The following DMXL1 variants were observed in gnomAD, a reference collection of about 807,000 sequenced individuals.
DMXL1 encodes Dmx like 1, also known as dmX-like protein 1.
Under a neutral mutation model 319.2 loss-of-function variants are expected in DMXL1, and 99 were observed. That is an observed-to-expected ratio of 0.31 (90% CI 0.26 to 0.37). The LOEUF is 0.37. Among genes scored for constraint, DMXL1 ranks in the 10% least tolerant of loss-of-function variants. The pLI, the probability that DMXL1 is intolerant of heterozygous loss-of-function variation, is 1.00. For synonymous variants in DMXL1, 1,385 were observed against 1,235.2 expected (o/e 1.12, Z -2.54); for missense variants, 3,745 against 3,595.6 (o/e 1.04, Z -1.06).
Position 119,133,599 on chromosome 5 carries a change from A to G in DMXL1, c.1675A>G (p.Ile559Val), listed in dbSNP as rs150439548. The G allele has an allele frequency of 3.0e-5, 48 of 1,614,072 alleles. No homozygotes were observed. The highest frequency in any genetic ancestry group is 1.4e-4 in the South Asian group (13 of 91,080). The change falls in exon 12 of 44, where the codon ATT becomes GTT. Residue 559 changes from isoleucine to valine, a missense_variant. This residue lies in a region of DMXL1 where 2,096 missense variants were observed against 1,985.4 expected (regional missense o/e 1.06). Coordinates refer to ENST00000539542, the MANE Select transcript of DMXL1 (RefSeq NM_001290321.3). Reference sequence around the variant, plus strand: ...CTGTACCAAGAATGTTGACTTGGCTATTCAGCAGGGGAAACAAAAACCTTC... The same window carrying G: ...CTGTACCAAGAATGTTGACTTGGCTGTTCAGCAGGGGAAACAAAAACCTTC... The part of the protein sequence containing the change: ...YACTKNVDLA[I>V]QQGKQKPSGL...
chr5:119,073,557 C>T (rs1030186327), intron 1 of DMXL1, among the ~76,000 whole-genome samples: 2 of 152,238 alleles, frequency 1.3e-5, no homozygotes, highest in East Asian at 3.9e-4. Flanking sequence ...CATCCTGTAC[C>T]ATCATGTAGC....
intron 9 of DMXL1, among the ~76,000 whole-genome samples, chr5:119,121,521 A>C (rs965702884): frequency 6.6e-6 from 1 of 152,086 alleles, no homozygotes; most frequent in Non-Finnish European, 1.5e-5. Context: ...TGTTTAACAA[A>C]GCACATCTTG....
chr5:119,205,106 T>C (rs1781519917), intron 33 of DMXL1, among the ~76,000 whole-genome samples: 1 of 152,188 alleles, frequency 6.6e-6, no homozygotes, highest in Non-Finnish European at 1.5e-5. Flanking sequence ...TGGTGTAATA[T>C]TGAAATTTAG....
At chr5:119,083,084 C>G (rs538988589) in intron 1 of DMXL1, among the ~76,000 whole-genome samples, 46 of 152,304 alleles carry the variant, frequency 3.0e-4, no homozygotes, top group African/African-American at 1.1e-3. Flanking sequence ...GATCTTGGCT[C>G]ACTGCAACCT....
intron 2 of DMXL1, among the ~76,000 whole-genome samples, chr5:119,098,315 G>T (rs1427736600): frequency 6.6e-6 from 1 of 152,120 alleles, no homozygotes; most frequent in Non-Finnish European, 1.5e-5. Context: ...CATCTTCTCT[G>T]AGAAAGAAAT....
At chr5:119,185,036 A>G (rs190425262) in intron 28 of DMXL1, among the ~76,000 whole-genome samples, 3 of 152,224 alleles carry the variant, frequency 2.0e-5, no homozygotes, top group Admixed American at 2.0e-4. Context: ...ATTGATGTCT[A>G]CTACTATCGA....
intron 1 of DMXL1, among the ~76,000 whole-genome samples, chr5:119,084,725 C>T (rs1026617784): frequency 4.0e-5 from 6 of 151,826 alleles, no homozygotes; most frequent in Non-Finnish European, 8.8e-5. Flanking sequence ...ATTAGCCCGG[C>T]GTGGTGGCAC....
In DMXL1 at chr5:119,166,672, G is replaced by A. The variant is rs1472645655; in HGVS notation, c.5027G>A (p.Arg1676Lys). 8 of 1,612,164 alleles carry A rather than the reference G, an allele frequency of 5.0e-6. No homozygotes were observed. Among genetic ancestry groups the A allele is most frequent in the African/African-American group, 1.3e-5 (1 of 74,798 alleles). Residue 1676 changes from arginine (R) to lysine (K), a missense_variant, in exon 22 of 44, where the codon AGG becomes AAG. Arg to Lys is a conservative substitution (Grantham distance 26). Transcript: ENST00000539542. ...TTTGGACACAATTTTGAGGATGAGA[G>A]GTGGCGTAAAGCAGCTTTAAAGAAT... ...QFFGHNFEDE[R>K]WRKAALKNAF... is the part of the protein sequence containing the mutation.
chr5:119,240,871 CTT>C (rs1350263280), intron 42 of DMXL1, among the ~76,000 whole-genome samples: 1 of 152,124 alleles, frequency 6.6e-6, no homozygotes, highest in Non-Finnish European at 1.5e-5. Flanking sequence ...ATAAAACTGT[CTT>C]TATTCACAGA....
chr5:119,137,859 A>G (rs2150074745), intron 13 of DMXL1, among the ~76,000 whole-genome samples: 1 of 152,334 alleles, frequency 6.6e-6, no homozygotes, highest in South Asian at 2.1e-4. Flanking sequence ...ATGTAAAGGA[A>G]CAGCAAAAAG....
chr5:119,210,757 G>GTTTTTTTTTTTTTTTT, intron 34 of DMXL1, among the ~76,000 whole-genome samples: 2 of 89,778 alleles, frequency 2.2e-5, no homozygotes, highest in African/African-American at 4.1e-5. Context: ...TTTTTCTTTC[G>GTTTTTTTTTTTTTTTT]TTTTTTTTTT....
chr5:119,134,000 C>T lies in DMXL1; in HGVS notation c.2076C>T (p.Asp692=), dbSNP rs141146454. 870 of 1,614,178 alleles carry T rather than the reference C, an allele frequency of 5.4e-4. No homozygotes were observed. Among genetic ancestry groups the T allele is most frequent in the Middle Eastern group, 1.6e-3 (10 of 6,062 alleles). ...CACAACAAAATAAAAGCACTGTTGA[C>T]GTGGCATTTCAGGATCCCAGTGCAG... ...SLTQQNKSTV[D]VAFQDPSAVY... is the part of the protein sequence containing the mutation. The change falls in exon 12 of 44, where the codon GAC becomes GAT. Residue 692 remains aspartate (D), a synonymous_variant. Transcript: ENST00000539542.
At chr5:119,153,254 G>T (rs962902947) in intron 19 of DMXL1, among the ~76,000 whole-genome samples, 2 of 152,174 alleles carry the variant, frequency 1.3e-5, no homozygotes, top group Non-Finnish European at 2.9e-5. Flanking sequence ...TGGGCATTAT[G>T]GGCGTGAGCC....
intron 28 of DMXL1, 92 bp from the exon 29 acceptor site, chr5:119,189,616 A>C: frequency 8.7e-7 from 1 of 1,154,152 alleles, no homozygotes; most frequent in Non-Finnish European, 1.3e-6. Context: ...GTGTGTGCTT[A>C]TTTGTAGTTA....
At chr5:119,173,338 G>A (rs982459647) in intron 25 of DMXL1, among the ~76,000 whole-genome samples, 4 of 140,580 alleles carry the variant, frequency 2.8e-5, no homozygotes. Context: ...AAAACTCCGC[G>A]CCCACCCCCC....
intron 28 of DMXL1, among the ~76,000 whole-genome samples, chr5:119,180,943 A>G (rs1437576551): frequency 6.6e-6 from 1 of 152,230 alleles, no homozygotes; most frequent in Non-Finnish European, 1.5e-5. Flanking sequence ...TATCCATAAA[A>G]AAGAAAATGA....
intron 4 of DMXL1, among the ~76,000 whole-genome samples, chr5:119,107,314 C>T (rs1758576864): frequency 6.6e-6 from 1 of 151,422 alleles, no homozygotes; most frequent in Admixed American, 6.6e-5. Context: ...GCTTTCTAGC[C>T]TGGGTGACAG....
intron 1 of DMXL1, among the ~76,000 whole-genome samples, chr5:119,085,538 C>T (rs1753176958): frequency 6.6e-6 from 1 of 151,964 alleles, no homozygotes; most frequent in South Asian, 2.1e-4. Flanking sequence ...GTTGATTTTG[C>T]ATCCTGGAAT....
chr5:119,112,511 A>G (rs969259205), intron 5 of DMXL1, among the ~76,000 whole-genome samples: 20 of 152,264 alleles, frequency 1.3e-4, no homozygotes, highest in African/African-American at 4.6e-4. Context: ...GTGATAGCAT[A>G]AATATCACAT....
Sources: gnomAD v4.1 joint callset for allele counts (sites outside exome capture counted in the v4.1 genomes callset) on GRCh38, gnomAD v4.1.1 for gene constraint, gnomAD v4.1.1 regional missense constraint, MANE v1.5 for transcripts, NCBI Gene and HGNC (gene_info 2026-07-23, HGNC 2026-07-21) for gene names.